Variants in PAN3 observed in about 807,000 individuals in gnomAD.
PAN3 encodes poly(A) specific ribonuclease subunit PAN3.
A neutral mutation model predicts 96.2 loss-of-function variants in PAN3; 19 were observed. The observed-to-expected ratio is 0.20, with a 90% CI of 0.14 to 0.29. The LOEUF (loss-of-function observed/expected upper bound fraction) is 0.29. Ranked by LOEUF, PAN3 falls within the 10% of genes least tolerant of loss-of-function variation. The pLI is 1.00. For missense variants in PAN3, 882 were observed against 1,108.1 expected (o/e 0.80, Z 2.90); for synonymous variants, 433 against 406.6 (o/e 1.06, Z -0.78).
intron 12 of PAN3, among the ~76,000 whole-genome samples, chr13:28,267,768 AG>A (rs1886306618): frequency 6.6e-6 from 1 of 152,218 alleles, no homozygotes; most frequent in African/African-American, 2.4e-5. Context: ...CCACGAGAAC[AG>A]TATGGGGGAA....
intron 1 of PAN3, among the ~76,000 whole-genome samples, chr13:28,144,998 G>A (rs1314523190): frequency 2.6e-5 from 4 of 152,130 alleles, no homozygotes; most frequent in Non-Finnish European, 4.4e-5. Context: ...GACTACAGGC[G>A]TGAGCCACCG....
chr13:28,194,722 C>T (rs552466905), intron 4 of PAN3, among the ~76,000 whole-genome samples: 15 of 151,886 alleles, frequency 9.9e-5, no homozygotes, highest in Non-Finnish European at 1.5e-4. Flanking sequence ...TGCCCATCTC[C>T]GCCTCCCAAT....
At chr13:28,140,237 C>G (rs906486110) in intron 1 of PAN3, among the ~76,000 whole-genome samples, 14 of 152,110 alleles carry the variant, frequency 9.2e-5, no homozygotes, top group Admixed American at 9.2e-4. Context: ...TGACCTGAAG[C>G]TTGTTAGTTG....
At chr13:28,264,025 T>C (rs1354469382) in intron 9 of PAN3, among the ~76,000 whole-genome samples, 1 of 152,200 alleles carries the variant, frequency 6.6e-6, no homozygotes, top group Non-Finnish European at 1.5e-5. Context: ...CACTTGATAA[T>C]ATAGTTTTTG....
At chr13:28,250,121 A>AG (rs1473413489) in intron 6 of PAN3, among the ~76,000 whole-genome samples, 4 of 151,568 alleles carry the variant, frequency 2.6e-5, no homozygotes, top group Admixed American at 2.6e-4. Context: ...CTTTTCTGGT[A>AG]GCTCTTAAGA....
Position 28,197,198 on chromosome 13 carries a change from G to T in PAN3, c.704G>T (p.Arg235Leu). The T allele has an allele frequency of 6.2e-7, 1 of 1,612,706 alleles. No individual in the cohort carries two copies. The highest frequency in any genetic ancestry group is 8.5e-7 in the Non-Finnish European group (1 of 1,179,324). The change falls in exon 5 of 19, where the codon CGC becomes CTC. Residue 235 changes from arginine (R) to leucine (L), a missense_variant. Arg to Leu is a moderately radical substitution (Grantham distance 102, BLOSUM62 -2). Transcript: ENST00000380958. Reference sequence around the variant, plus strand: ...TCTTTTTCCTAGCCAAGGAAGTATCGCCTGGGGATGCTGGAGGAGAGGCTA... The same window carrying T: ...TCTTTTTCCTAGCCAAGGAAGTATCTCCTGGGGATGCTGGAGGAGAGGCTA... ...ISQRRKPRKY[R>L]LGMLEERLVP...
chr13:28,227,878 T>C (rs1015233401), intron 6 of PAN3, among the ~76,000 whole-genome samples: 2 of 152,174 alleles, frequency 1.3e-5, no homozygotes, highest in Non-Finnish European at 2.9e-5. Context: ...TTTCAGCAAA[T>C]GTAAGATTAG....
At chr13:28,196,045 A>C (rs1593451629) in intron 4 of PAN3, among the ~76,000 whole-genome samples, 1 of 148,558 alleles carries the variant, frequency 6.7e-6, no homozygotes, top group South Asian at 2.1e-4. Flanking sequence ...TTTTTAATAG[A>C]GACAGGGTCT....
At chr13:28,214,754 G>C in intron 5 of PAN3, 1 of 543,712 alleles carries the variant, frequency 1.8e-6, no homozygotes, top group Non-Finnish European at 3.4e-6. Flanking sequence ...GTAGAAACTT[G>C]AGACCAACAA....
At chr13:28,201,686 G>A (rs913090055) in intron 5 of PAN3, among the ~76,000 whole-genome samples, 1 of 151,992 alleles carries the variant, frequency 6.6e-6, no homozygotes, top group Non-Finnish European at 1.5e-5. Flanking sequence ...AGGCATAAAC[G>A]ACCACAACTG....
chr13:28,186,859 T>C (rs1025510645), intron 4 of PAN3, among the ~76,000 whole-genome samples: 2 of 152,018 alleles, frequency 1.3e-5, no homozygotes, highest in African/African-American at 4.8e-5. Flanking sequence ...CTGAAATTGA[T>C]AGAAAACTTT....
At chr13:28,223,707 C>T (rs1881654717) in intron 6 of PAN3, among the ~76,000 whole-genome samples, 1 of 151,814 alleles carries the variant, frequency 6.6e-6, no homozygotes, top group Admixed American at 6.6e-5. Flanking sequence ...GAGTGTTATA[C>T]AGTAAGAATA....
At chr13:28,139,174 C>G in intron 1 of PAN3, 87 bp downstream of exon 1, 1 of 1,224,538 alleles carries the variant, frequency 8.2e-7, no homozygotes, top group Non-Finnish European at 1.0e-6. Context: ...GAGCTGAGCA[C>G]GGCCCGCGGG....
chr13:28,281,201 G>A (rs1887446020), intron 16 of PAN3, 114 bp from the exon 17 acceptor site: 1 of 738,184 alleles, frequency 1.4e-6, no homozygotes, highest in South Asian at 1.6e-5. Context: ...GGGGATGTTA[G>A]GATTTATTGT....
Position 28,292,387 on chromosome 13 carries a change from T to C in PAN3, c.2529T>C (p.Asp843=). The change falls in exon 19 of 19, where the codon GAT becomes GAC. Residue 843 remains aspartate, a synonymous_variant. Coordinates refer to ENST00000380958, the MANE Select transcript of PAN3 (RefSeq NM_175854.8). ...SHIISCLNKL[D]AGVPEKISLI... ...TTGTGTATATATTGTTTCAGCTAGA[T>C]GCTGGTGTGCCAGAAAAAATAAGCC... 1 of 1,605,418 alleles carries C rather than the reference T, an allele frequency of 6.2e-7. No homozygotes were observed. The highest frequency in any genetic ancestry group is 8.5e-7 in the Non-Finnish European group (1 of 1,176,346).
intron 18 of PAN3, among the ~76,000 whole-genome samples, chr13:28,291,798 T>A (rs1457196674): frequency 6.6e-6 from 1 of 152,022 alleles, no homozygotes; most frequent in Non-Finnish European, 1.5e-5. Flanking sequence ...GCCATTGCAC[T>A]CCACCCTGGG....
intron 6 of PAN3, among the ~76,000 whole-genome samples, chr13:28,235,692 C>CAT (rs1250644029): frequency 1.8e-4 from 19 of 106,244 alleles, no homozygotes; most frequent in Non-Finnish European, 3.6e-4. Context: ...TACACACACA[C>CAT]ACATACACAC....
intron 1 of PAN3, among the ~76,000 whole-genome samples, chr13:28,156,427 C>T (rs1226713772): frequency 1.3e-5 from 2 of 152,168 alleles, no homozygotes; most frequent in Admixed American, 1.3e-4. Context: ...AACCTACCAA[C>T]CAGAAAAAGC....
At chr13:28,194,281 A>T (rs1438586362) in intron 4 of PAN3, among the ~76,000 whole-genome samples, 1 of 151,694 alleles carries the variant, frequency 6.6e-6, no homozygotes, top group East Asian at 1.9e-4. Flanking sequence ...TTAGGTGTCC[A>T]TGTATAAATC....
Sources: gnomAD v4.1 joint callset for allele counts (sites outside exome capture counted in the v4.1 genomes callset) on GRCh38, gnomAD v4.1.1 for gene constraint, MANE v1.5 for transcripts, NCBI Gene and HGNC (gene_info 2026-07-23, HGNC 2026-07-21) for gene names.